Variants in TOGARAM2 observed in about 807,000 individuals in gnomAD.
TOGARAM2 encodes TOG array regulator of axonemal microtubules protein 2.
In TOGARAM2, 85 loss-of-function variants were observed where a neutral mutation model predicts 93.3. The ratio of observed to expected loss-of-function variants is 0.91; its 90% confidence interval spans 0.76 to 1.09. TOGARAM2 has a LOEUF of 1.09. TOGARAM2 is among the 50% of genes least tolerant of loss of function. The pLI is 0.00. For missense variants in TOGARAM2, 1,277 were observed against 1,334.5 expected (o/e 0.96, Z 0.67); for synonymous variants, 593 against 552.8 (o/e 1.07, Z -1.02).
At chr2:29,002,066 G>C (rs560665810) in intron 4 of TOGARAM2, among the ~76,000 whole-genome samples, 16 of 152,266 alleles carry the variant, frequency 1.1e-4, no homozygotes, top group African/African-American at 3.9e-4. Flanking sequence ...GACTATGTTA[G>C]CTGTGTCAAA....
At chr2:29,046,440 C>G (rs1666749621) in intron 19 of TOGARAM2, 1 of 152,300 alleles carries the variant, frequency 6.6e-6, no homozygotes, top group Non-Finnish European at 1.5e-5. Flanking sequence ...CAGAGGGACT[C>G]TGTTCCCTAG....
At chr2:29,036,469 A>C in intron 17 of TOGARAM2, 72 bp from the exon 18 acceptor site, 3 of 1,490,216 alleles carry the variant, frequency 2.0e-6, no homozygotes, top group Non-Finnish European at 2.8e-6. Flanking sequence ...GGTGAGCTCC[A>C]AGCTGCCTGC....
At chr2:28,994,962 AG>A in intron 2 of TOGARAM2, 100 bp downstream of exon 2, 1 of 1,421,674 alleles carries the variant, frequency 7.0e-7, no homozygotes, top group Non-Finnish European at 9.7e-7. Context: ...GTGGGGATAA[AG>A]GGCTGCTGGG....
intron 1 of TOGARAM2, among the ~76,000 whole-genome samples, chr2:28,975,364 G>A (rs58059565): frequency 0.15 from 23,268 of 151,420 alleles, 2,873 homozygotes; most frequent in East Asian, 0.61. Context: ...ATGTTTTTGT[G>A]TTTTTAGTAG....
At chr2:28,972,939 T>A (rs576493997) in intron 1 of TOGARAM2, among the ~76,000 whole-genome samples, 1 of 152,328 alleles carries the variant, frequency 6.6e-6, no homozygotes, top group Admixed American at 6.5e-5. Flanking sequence ...TCTGTCCTCC[T>A]ACACTCCTGT....
intron 1 of TOGARAM2, among the ~76,000 whole-genome samples, chr2:28,974,408 A>G (rs1432106093): frequency 1.3e-5 from 2 of 151,828 alleles, no homozygotes; most frequent in East Asian, 1.9e-4. Context: ...CTTGATGTGG[A>G]TTTCTTTGGA....
intron 4 of TOGARAM2, among the ~76,000 whole-genome samples, chr2:29,000,123 A>G (rs1673209155): frequency 1.3e-5 from 2 of 151,904 alleles, no homozygotes; most frequent in African/African-American, 4.8e-5. Context: ...GTTTGCATTT[A>G]TATTTTTACT....
chr2:29,014,832 G>A (rs993805135), intron 8 of TOGARAM2, among the ~76,000 whole-genome samples: 5 of 152,152 alleles, frequency 3.3e-5, no homozygotes, highest in African/African-American at 1.2e-4. Context: ...GGGTAGGAGG[G>A]AGGAAGGAAG....
At chr2:29,042,146 CTT>C (rs1666472385) in intron 18 of TOGARAM2, among the ~76,000 whole-genome samples, 1 of 152,210 alleles carries the variant, frequency 6.6e-6, no homozygotes, top group Non-Finnish European at 1.5e-5. Context: ...TTTAGTGTGT[CTT>C]ATTGAACCTG....
At chr2:29,006,391 T>C (rs1408202251) in intron 6 of TOGARAM2, among the ~76,000 whole-genome samples, 4 of 147,598 alleles carry the variant, frequency 2.7e-5, no homozygotes, top group Non-Finnish European at 6.0e-5. Flanking sequence ...TGTGAGTGCG[T>C]GTGTGTGAGT....
intron 19 of TOGARAM2, 46 bp from the exon 20 acceptor site, chr2:29,051,710 G>A: frequency 1.4e-6 from 2 of 1,423,738 alleles, no homozygotes; most frequent in Non-Finnish European, 1.9e-6. Context: ...AAGTGGGAGA[G>A]GGAGAGAGTG....
chr2:29,012,604 G>A (rs1250742592), intron 7 of TOGARAM2, among the ~76,000 whole-genome samples: 2 of 152,182 alleles, frequency 1.3e-5, no homozygotes, highest in African/African-American at 4.8e-5. Flanking sequence ...AGGTCACCAG[G>A]GACCTGTGGC....
intron 10 of TOGARAM2, among the ~76,000 whole-genome samples, chr2:29,021,593 G>T (rs1455435279): frequency 3.9e-5 from 6 of 152,236 alleles, no homozygotes; most frequent in Non-Finnish European, 5.9e-5. Context: ...CCCTGTGTGT[G>T]TGGCTGCATC....
intron 7 of TOGARAM2, 135 bp from the exon 8 acceptor site, chr2:29,014,260 C>A: frequency 9.4e-7 from 1 of 1,069,154 alleles, no homozygotes; most frequent in Non-Finnish European, 1.3e-6. Context: ...TACAGTAAAC[C>A]TAACTCAGGT....
At chr2:29,010,688 C>T (rs72788125) in intron 6 of TOGARAM2, among the ~76,000 whole-genome samples, 11,441 of 151,952 alleles carry the variant, frequency 0.075, 511 homozygotes, top group African/African-American at 0.12. Context: ...CCATGTAGGA[C>T]GCTGCAGGGC....
chr2:29,028,284 G>A lies in TOGARAM2; in HGVS notation c.2012+1273G>A, dbSNP rs1369802015. 3.3e-5 allele frequency among the ~76,000 whole-genome samples: 5 copies of A among 152,158 alleles called. No individual in the cohort carries two copies. In the East Asian group the frequency reaches 7.7e-4, roughly 23 times the overall value. The stretch of plus-strand genomic sequence containing the variant: ...GCTCCAGGCCAGACATTCTCGTAGG[G>A]TACCCACGTCTGAGGGTGCTCCCTG... On this transcript the variant is annotated intron_variant, in intron 14 of 19. Coordinates refer to ENST00000379558, the MANE Select transcript of TOGARAM2 (RefSeq NM_199280.4).
chr2:29,016,244 G>T (rs13004554), intron 8 of TOGARAM2, among the ~76,000 whole-genome samples: 27,393 of 151,984 alleles, frequency 0.18, 2,564 homozygotes, highest in Middle Eastern at 0.27. Context: ...AGCTGCACCT[G>T]AGAAGCATGT....
intron 18 of TOGARAM2, among the ~76,000 whole-genome samples, chr2:29,040,847 G>A (rs554622930): frequency 1.3e-4 from 20 of 152,144 alleles, no homozygotes; most frequent in Non-Finnish European, 2.2e-4. Context: ...ATAAAACCCC[G>A]TGTCTCGTTT....
At chr2:29,042,262 A>G (rs1666479154) in intron 18 of TOGARAM2, among the ~76,000 whole-genome samples, 1 of 152,376 alleles carries the variant, frequency 6.6e-6, no homozygotes, top group South Asian at 2.1e-4. Context: ...GCCCAGGCAC[A>G]CTGTGTCTTG....
Sources: gnomAD v4.1 joint callset for allele counts (sites outside exome capture counted in the v4.1 genomes callset) on GRCh38, gnomAD v4.1.1 for gene constraint, MANE v1.5 for transcripts, NCBI Gene and HGNC (gene_info 2026-07-23, HGNC 2026-07-21) for gene names.